The following XIST variants were observed in gnomAD, a reference collection of about 807,000 sequenced individuals.
XIST encodes X inactive specific transcript, also known as X inactive specific transcript (non-protein coding).
chrX:73,828,155 T>C (rs1414826296), intron 5 of XIST: 5 of 411,051 alleles, frequency 1.2e-5, no homozygotes, highest in South Asian at 4.5e-5. Context: ...ATACTACTTA[T>C]AGTACTACAA....
intron 1 of XIST, among the ~76,000 whole-genome samples, chrX:73,840,480 G>A (rs1922566147): frequency 9.0e-6 from 1 of 111,607 alleles, no homozygotes; most frequent in Non-Finnish European, 1.9e-5. Flanking sequence ...TTTGTCAGCT[G>A]GAAAACATTA....
In XIST at chrX:73,842,867, C is replaced by T. The variant is rs754330365; in HGVS notation, n.9857G>A. The T allele has an allele frequency of 9.0e-6, 5 of 558,233 alleles. No homozygotes were observed. In the Middle Eastern group the frequency reaches 1.2e-3, roughly 138 times the overall value. 46.0% of individuals were successfully genotyped at this position (558,233 alleles called of 1,213,427 possible). ...CTTACCTAATAGCTGCAAATATGGA[C>T]ACCTGAGATTGTGAGCAATAGTCTG... On this transcript the variant is annotated non_coding_transcript_exon_variant, in exon 1 of 6. Transcript: ENST00000429829.
At chrX:73,823,066 G>C (rs1489331166) in exon 6 of XIST, 2 of 551,663 alleles carry the variant, frequency 3.6e-6, no homozygotes, top group East Asian at 3.3e-5. Flanking sequence ...TTTTTTTATT[G>C]CTCATATGTC....
chrX:73,849,665 T>C (rs763681195), exon 1 of XIST: 25 of 556,116 alleles, frequency 4.5e-5, no homozygotes, highest in Non-Finnish European at 7.8e-5. Flanking sequence ...TTGTATGCAT[T>C]AACTGAAAAT....
chrX:73,833,656 TG>T, intron 2 of XIST: 1 of 172,101 alleles, frequency 5.8e-6, no homozygotes, highest in Non-Finnish European at 1.1e-5. Flanking sequence ...TTGTGGCTAA[TG>T]GTCATCCTGT....
At chrX:73,849,387 T>C (rs1450856531) in exon 1 of XIST, 1 of 558,927 alleles carries the variant, frequency 1.8e-6, no homozygotes, top group Admixed American at 2.2e-5. Flanking sequence ...TGGGTAGGAT[T>C]ATTGGCAATT....
At chrX:73,834,377 T>C (rs1922441355) in intron 2 of XIST, among the ~76,000 whole-genome samples, 1 of 112,830 alleles carries the variant, frequency 8.9e-6, no homozygotes, top group South Asian at 3.6e-4. Flanking sequence ...GCCCTCTAGT[T>C]TTGCCTGTTA....
chrX:73,851,681 A>G, exon 1 of XIST: 1 of 558,909 alleles, frequency 1.8e-6, no homozygotes, highest in Non-Finnish European at 3.2e-6. Context: ...ACAAGCCCCA[A>G]ATCAATTCAT....
At chrX:73,840,412 G>C (rs1922564409) in intron 1 of XIST, among the ~76,000 whole-genome samples, 1 of 111,399 alleles carries the variant, frequency 9.0e-6, no homozygotes, top group South Asian at 3.8e-4. Context: ...TGTTGCTCCT[G>C]CTGTGATGCA....
At chrX:73,835,487 T>A (rs1922466222) in intron 2 of XIST, among the ~76,000 whole-genome samples, 1 of 112,136 alleles carries the variant, frequency 8.9e-6, no homozygotes. Flanking sequence ...AAAGAAACTA[T>A]AATACTATAA....
chrX:73,824,719 T>G, exon 6 of XIST: 1 of 558,824 alleles, frequency 1.8e-6, no homozygotes, highest in East Asian at 3.2e-5. Context: ...CTGAATTAAG[T>G]GACTTTCGGT....
chrX:73,837,886 T>C (rs756713069), intron 1 of XIST, among the ~76,000 whole-genome samples: 3 of 111,242 alleles, frequency 2.7e-5, no homozygotes, highest in Non-Finnish European at 5.7e-5. Flanking sequence ...CTCTTTCTTT[T>C]CTGTTTATAT....
At chrX:73,852,402 T>G in exon 1 of XIST, 1 of 541,079 alleles carries the variant, frequency 1.8e-6, no homozygotes. Flanking sequence ...GAAAAGAGAG[T>G]GGAAGAGTAA....
chrX:73,830,135 AAAGAAG>A (rs374091915), intron 4 of XIST, among the ~76,000 whole-genome samples: 3 of 111,171 alleles, frequency 2.7e-5, no homozygotes, highest in East Asian at 5.6e-4. Context: ...ATACAAAAAA[AAAGAAG>A]AAGAAGAAGA....
chrX:73,851,086 T>C (rs1413277469), exon 1 of XIST: 6 of 557,854 alleles, frequency 1.1e-5, no homozygotes, highest in Non-Finnish European at 1.9e-5. Flanking sequence ...AATTCCATCT[T>C]CTGCTCTAAT....
At chrX:73,851,236 A>C in exon 1 of XIST, 1 of 559,697 alleles carries the variant, frequency 1.8e-6, no homozygotes, top group Non-Finnish European at 3.2e-6. Context: ...CAAGCCCGCC[A>C]TGATGTCCAC....
exon 6 of XIST, chrX:73,822,470 C>T: frequency 1.9e-6 from 1 of 514,645 alleles, no homozygotes. Flanking sequence ...AAACCTTATA[C>T]CAAGTACCTA....
exon 1 of XIST, chrX:73,849,842 C>T: frequency 6.3e-6 from 1 of 157,657 alleles, no homozygotes; most frequent in Non-Finnish European, 1.3e-5. Flanking sequence ...GGGACTGGGG[C>T]TAGGGCTGGG....
chrX:73,825,642 GT>G, exon 6 of XIST: 1 of 512,945 alleles, frequency 1.9e-6, no homozygotes, highest in Non-Finnish European at 3.5e-6. Context: ...TTATAAAAAC[GT>G]TGTTTAAAAA....
Sources: allele counts gnomAD v4.1 joint callset (sites outside exome capture counted in the v4.1 genomes callset), GRCh38; gene constraint gnomAD v4.1.1; transcripts MANE v1.5; gene names NCBI Gene and HGNC (gene_info 2026-07-23, HGNC 2026-07-21).